Variants in PLCB1 observed in about 807,000 individuals in gnomAD.
The protein encoded by PLCB1 is phospholipase C beta 1.
A neutral mutation model predicts 161.8 loss-of-function variants in PLCB1; 46 were observed. The observed-to-expected ratio is 0.28, with a 90% CI of 0.22 to 0.36. The LOEUF (loss-of-function observed/expected upper bound fraction) is 0.36, where lower values mean the gene tolerates loss of function less well. PLCB1 is among the 10% of genes least tolerant of loss of function. The probability of loss-of-function intolerance (pLI) is 1.00; values close to 1 mark genes in which losing one functional copy is unlikely to be tolerated. For synonymous variants in PLCB1, 517 were observed against 503.7 expected, an observed-to-expected ratio of 1.03 and a Z score of -0.35; for missense variants, 1,016 against 1,472.5, an observed-to-expected ratio of 0.69 and a Z score of 5.07.
chr20:8,607,521 C>G (rs1009715647), intron 3 of PLCB1, among the ~76,000 whole-genome samples: 3 of 152,176 alleles, frequency 2.0e-5, no homozygotes, highest in African/African-American at 7.2e-5. Flanking sequence ...GTTCCTGGAG[C>G]AAGCCAATCC....
rs372130440 is a variant in PLCB1, at chr20:8,213,977, T to A, written c.177+63606T>A. Among the ~76,000 whole-genome samples the A allele has an allele frequency of 2.0e-4, 30 of 152,118 alleles. 1 individual carries two copies. In the South Asian group the frequency reaches 6.0e-3, roughly 31 times the overall value. On this transcript the variant is annotated intron_variant, in intron 2 of 31. Transcript: ENST00000338037. ...TCTAATTTAGTGTCACAACTAGCAG[T>A]TCTGTTATACTTTAATCCTTAAATA...
rs185632743 is a variant in PLCB1, at chr20:8,498,266, T to G, written c.246+126816T>G. 3.4e-4 allele frequency among the ~76,000 whole-genome samples: 52 copies of G among 152,258 alleles called. No individual in the cohort carries two copies. The East Asian group carries it at 9.3e-3, about 27-fold the overall frequency. ...GCACGTGCCACCACGCCCGGGTAAT[T>G]TTTTGTATTTCAGTAAGATGGAGTT... On this transcript the variant is annotated intron_variant, in intron 3 of 31. Coordinates refer to ENST00000338037, the MANE Select transcript of PLCB1 (RefSeq NM_015192.4).
At chr20:8,234,136 A>G (rs538982832) in intron 2 of PLCB1, among the ~76,000 whole-genome samples, 3 of 152,234 alleles carry the variant, frequency 2.0e-5, no homozygotes, top group African/African-American at 7.2e-5. Context: ...TGAAGGTGGA[A>G]TGGGAAAGAG....
At chr20:8,393,791 T>G (rs1231165995) in intron 3 of PLCB1, among the ~76,000 whole-genome samples, 2 of 152,190 alleles carry the variant, frequency 1.3e-5, no homozygotes, top group Admixed American at 6.5e-5. Flanking sequence ...ATATAAATGT[T>G]CTAAAAGCCA....
intron 2 of PLCB1, among the ~76,000 whole-genome samples, chr20:8,246,588 A>C (rs1484418249): frequency 6.6e-6 from 1 of 151,966 alleles, no homozygotes; most frequent in Non-Finnish European, 1.5e-5. Context: ...ACATAGCAGA[A>C]GGCAAAGAAA....
intron 3 of PLCB1, among the ~76,000 whole-genome samples, chr20:8,596,930 T>C (rs1347372864): frequency 1.3e-5 from 2 of 152,296 alleles, no homozygotes; most frequent in Non-Finnish European, 2.9e-5. Flanking sequence ...TAAGAATGCT[T>C]GTGATTTTTG....
intron 3 of PLCB1, among the ~76,000 whole-genome samples, chr20:8,475,548 C>T (rs1177509853): frequency 6.6e-6 from 1 of 152,234 alleles, no homozygotes; most frequent in Admixed American, 6.5e-5. Context: ...CGGAGTCACA[C>T]AGCTGGTAAC....
At chr20:8,385,415 G>T (rs538057809) in intron 3 of PLCB1, among the ~76,000 whole-genome samples, 1 of 152,324 alleles carries the variant, frequency 6.6e-6, no homozygotes, top group East Asian at 1.9e-4. Context: ...CTGTAGAGAT[G>T]GATGCTGTCC....
chr20:8,435,216 C>T (rs1415433943), intron 3 of PLCB1, among the ~76,000 whole-genome samples: 1 of 152,200 alleles, frequency 6.6e-6, no homozygotes, highest in Non-Finnish European at 1.5e-5. Flanking sequence ...TTTATCCTTA[C>T]TGTACAAGAC....
intron 3 of PLCB1, among the ~76,000 whole-genome samples, chr20:8,421,976 C>A (rs375944207): frequency 1.3e-5 from 2 of 152,202 alleles, no homozygotes; most frequent in African/African-American, 4.8e-5. Context: ...TTATGCACAG[C>A]ATTTAAGCAA....
intron 27 of PLCB1, among the ~76,000 whole-genome samples, chr20:8,787,208 G>A (rs1307274220): frequency 1.3e-5 from 2 of 152,170 alleles, no homozygotes; most frequent in African/African-American, 2.4e-5. Context: ...CCACAAGGCT[G>A]GAGTCCCTGC....
chr20:8,600,412 GGGGGTCA>G (rs1453163376), intron 3 of PLCB1, among the ~76,000 whole-genome samples: 7 of 137,480 alleles, frequency 5.1e-5, no homozygotes, highest in African/African-American at 1.1e-4. Flanking sequence ...TAGGCTGCTC[GGGGGTCA>G]GGGGTCAGGG....
intron 23 of PLCB1, among the ~76,000 whole-genome samples, chr20:8,752,779 T>A (rs1229866600): frequency 6.9e-6 from 1 of 144,142 alleles, no homozygotes; most frequent in Non-Finnish European, 1.5e-5. Context: ...GGTGACAGAG[T>A]GAGACTCCAT....
At chr20:8,299,022 G>A (rs972732745) in intron 2 of PLCB1, among the ~76,000 whole-genome samples, 1 of 128,250 alleles carries the variant, frequency 7.8e-6, no homozygotes, top group African/African-American at 3.0e-5. Context: ...AGACAGACTA[G>A]ATTCATTCAT....
intron 10 of PLCB1, among the ~76,000 whole-genome samples, chr20:8,685,664 G>A (rs986340641): frequency 6.7e-6 from 1 of 149,158 alleles, no homozygotes; most frequent in African/African-American, 2.5e-5. Flanking sequence ...CTGAACCCAA[G>A]AGGTGGAGGT....
chr20:8,733,817 AATAATAAT>A lies in PLCB1; in HGVS notation c.2043+427_2043+434del, dbSNP rs1568577508. Among the ~76,000 whole-genome samples, 27 of 123,028 alleles carry A rather than the reference AATAATAAT, an allele frequency of 2.2e-4. 1 individual carries two copies. Among genetic ancestry groups the A allele is most frequent in the Non-Finnish European group, 4.6e-4 (25 of 53,912 alleles). The allele number at this position is 123,028 out of a possible 152,430, so 80.7% of individuals were successfully genotyped here. A position where few individuals can be genotyped will look rare whatever the true frequency, so the allele number is the denominator to read the frequency against. ...TAATAATAATAATAATAATAATAAT[AATAATAAT>A]AAAAGTTTTGGTAGGGTCGGGCGCA... On this transcript the variant is annotated intron_variant, in intron 19 of 31. Transcript: ENST00000338037.
chr20:8,440,517 T>C (rs2122610077), intron 3 of PLCB1, among the ~76,000 whole-genome samples: 1 of 152,330 alleles, frequency 6.6e-6, no homozygotes, highest in African/African-American at 2.4e-5. Flanking sequence ...ATCAAACACC[T>C]TTTAACCAGT....
intron 2 of PLCB1, among the ~76,000 whole-genome samples, chr20:8,306,562 A>G (rs1243729299): frequency 6.6e-6 from 1 of 152,238 alleles, no homozygotes. Context: ...TGTGATGCTT[A>G]CTTTGTGAGA....
chr20:8,858,385 G>T (rs1018535996), intron 31 of PLCB1, among the ~76,000 whole-genome samples: 4 of 152,146 alleles, frequency 2.6e-5, no homozygotes, highest in African/African-American at 7.2e-5. Context: ...TAATTTCAAA[G>T]AACATTTTCT....
Sources: gnomAD v4.1 joint callset for allele counts (sites outside exome capture counted in the v4.1 genomes callset) on GRCh38, gnomAD v4.1.1 for gene constraint, MANE v1.5 for transcripts, NCBI Gene and HGNC (gene_info 2026-07-23, HGNC 2026-07-21) for gene names.